GPC5: variants seen among roughly 807,000 people sequenced by gnomAD.
GPC5 encodes the protein glypican 5.
In GPC5, 47 loss-of-function variants were observed where a neutral mutation model predicts 53.9. That is an observed-to-expected ratio of 0.87 (90% CI 0.69 to 1.11). The LOEUF is 1.11. Ranked by LOEUF, GPC5 falls within the 50% of genes most tolerant of loss-of-function variation. The pLI, the probability that GPC5 is intolerant of heterozygous loss-of-function variation, is 0.00. For synonymous variants in GPC5, 286 were observed against 263.3 expected, an observed-to-expected ratio of 1.09 and a Z score of -0.84; for missense variants, 748 against 713.1, an observed-to-expected ratio of 1.05 and a Z score of -0.56.
At chr13:91,896,145 A>G (rs1276541794) in intron 5 of GPC5, among the ~76,000 whole-genome samples, 8 of 138,558 alleles carry the variant, frequency 5.8e-5, no homozygotes, top group Non-Finnish European at 1.1e-4. Context: ...TTTGAGGCAG[A>G]GTCTCGCTCT....
chr13:92,096,786 A>G (rs1293017578), intron 6 of GPC5, among the ~76,000 whole-genome samples: 1 of 152,202 alleles, frequency 6.6e-6, no homozygotes, highest in Non-Finnish European at 1.5e-5. Flanking sequence ...TGTGGTATAC[A>G]GTGGCATTTA....
At chr13:92,143,093 C>T (rs1028560791) in intron 6 of GPC5, among the ~76,000 whole-genome samples, 1 of 151,968 alleles carries the variant, frequency 6.6e-6, no homozygotes, top group South Asian at 2.1e-4. Context: ...ACAATATGAG[C>T]AATGGTCCAG....
chr13:91,645,648 C>T (rs1293398424), intron 2 of GPC5, among the ~76,000 whole-genome samples: 5 of 152,192 alleles, frequency 3.3e-5, no homozygotes, highest in South Asian at 2.1e-4. Flanking sequence ...CCTACTACTA[C>T]GTTATGTATT....
intron 7 of GPC5, among the ~76,000 whole-genome samples, chr13:92,486,428 G>A (rs567106070): frequency 3.3e-5 from 5 of 152,216 alleles, no homozygotes; most frequent in South Asian, 2.1e-4. Flanking sequence ...AAACCACATC[G>A]AACTTGCTTC....
At chr13:92,090,163 GA>G (rs1458383641) in intron 6 of GPC5, among the ~76,000 whole-genome samples, 1 of 152,112 alleles carries the variant, frequency 6.6e-6, no homozygotes, top group Non-Finnish European at 1.5e-5. Flanking sequence ...ACTTTCTGCA[GA>G]AATTCAGTTT....
rs1298324770 is a variant in GPC5 at position 92,385,455 on chromosome 13, TATATAC to T, written c.1561+240468_1561+240473del. Among the ~76,000 whole-genome samples the T allele has an allele frequency of 1.7e-4, 11 of 63,984 alleles. 1 individual carries two copies. The South Asian group carries it at 5.1e-3, about 30-fold the overall frequency. 42.0% of individuals were successfully genotyped at this position (63,984 alleles called of 152,430 possible). On this transcript the variant is annotated intron_variant, in intron 7 of 7. Transcript: ENST00000377067. ...ATATATACATATATACATATATACATATATACACATATATACATATATACATATATA... is the reference window on the plus strand; with the variant it reads ...ATATATACATATATACATATATACATACATATATACATATATACATATATA...
rs1346971253 is a variant in GPC5, at chr13:91,796,101, A to G, written c.1280+39681A>G. The stretch of plus-strand genomic sequence containing the variant: ...TCTCTGACCTGGGGTACTTGGCCTC[A>G]TGGATTCCAAGGAATGGAATCTGGG... On this transcript the variant is annotated intron_variant, in intron 5 of 7. Transcript: ENST00000377067. Among the ~76,000 whole-genome samples the G allele has an allele frequency of 2.6e-5, 4 of 152,134 alleles. No homozygotes were observed. In the East Asian group the frequency reaches 7.8e-4, roughly 30 times the overall value.
intron 7 of GPC5, among the ~76,000 whole-genome samples, chr13:92,494,781 A>G (rs1236015882): frequency 6.6e-6 from 1 of 152,212 alleles, no homozygotes; most frequent in Non-Finnish European, 1.5e-5. Flanking sequence ...GCATTTACCA[A>G]GAAGTCTTGA....
intron 7 of GPC5, among the ~76,000 whole-genome samples, chr13:92,428,985 G>A (rs561787207): frequency 2.6e-5 from 4 of 152,170 alleles, no homozygotes; most frequent in African/African-American, 9.6e-5. Flanking sequence ...ATGATTTAGG[G>A]AGTATTGGCT....
chr13:92,748,306 TTTATTTTA>T (rs1301764446), intron 7 of GPC5, among the ~76,000 whole-genome samples: 11 of 134,554 alleles, frequency 8.2e-5, no homozygotes, highest in Non-Finnish European at 1.6e-4. Flanking sequence ...ACATCTGCAT[TTTATTTTA>T]TTATTATTAT....
intron 7 of GPC5, among the ~76,000 whole-genome samples, chr13:92,370,128 A>G (rs776001235): frequency 7.2e-5 from 11 of 152,252 alleles, no homozygotes; most frequent in Non-Finnish European, 1.2e-4. Context: ...AAAGATGAAT[A>G]GGAAATATCT....
intron 6 of GPC5, among the ~76,000 whole-genome samples, chr13:92,097,590 G>A (rs953501678): frequency 6.6e-6 from 1 of 152,202 alleles, no homozygotes; most frequent in East Asian, 1.9e-4. Flanking sequence ...ATAAGATTAT[G>A]TAAGAAATAT....
chr13:91,504,062 TAACAAAA>T, intron 2 of GPC5, among the ~76,000 whole-genome samples: 1 of 152,054 alleles, frequency 6.6e-6, no homozygotes, highest in Middle Eastern at 3.4e-3. Flanking sequence ...CATCATAGCA[TAACAAAA>T]AACAATTGTT....
At chr13:91,419,269 A>T (rs568644581) in intron 1 of GPC5, among the ~76,000 whole-genome samples, 1 of 152,194 alleles carries the variant, frequency 6.6e-6, no homozygotes, top group Non-Finnish European at 1.5e-5. Context: ...AGATTCATAT[A>T]ATCTGAAAAT....
At chr13:92,255,500 TAA>T (rs1180791141) in intron 7 of GPC5, among the ~76,000 whole-genome samples, 2 of 152,034 alleles carry the variant, frequency 1.3e-5, no homozygotes, top group Non-Finnish European at 2.9e-5. Context: ...ACTTGAAAAA[TAA>T]AAGAGTATTA....
At chr13:91,593,745 T>A (rs1240454897) in intron 2 of GPC5, among the ~76,000 whole-genome samples, 1 of 152,290 alleles carries the variant, frequency 6.6e-6, no homozygotes, top group East Asian at 1.9e-4. Context: ...GTAACATGAT[T>A]TTTTTCAATC....
At chr13:92,355,019 ATAT>A (rs1396679563) in intron 7 of GPC5, among the ~76,000 whole-genome samples, 1 of 151,488 alleles carries the variant, frequency 6.6e-6, no homozygotes, top group Non-Finnish European at 1.5e-5. Context: ...CTTTAATTTA[ATAT>A]TTAATAATCT....
intron 6 of GPC5, among the ~76,000 whole-genome samples, chr13:91,978,938 G>A (rs532215352): frequency 1.3e-5 from 2 of 152,242 alleles, no homozygotes; most frequent in South Asian, 4.1e-4. Context: ...GACAGAACAG[G>A]TTGATAAGAT....
chr13:92,270,212 T>C (rs753252185), intron 7 of GPC5, among the ~76,000 whole-genome samples: 6 of 152,178 alleles, frequency 3.9e-5, no homozygotes, highest in Non-Finnish European at 8.8e-5. Flanking sequence ...ATGTAATGGT[T>C]CTTCCCATTA....
Sources: allele counts gnomAD v4.1 joint callset (sites outside exome capture counted in the v4.1 genomes callset), GRCh38; gene constraint gnomAD v4.1.1; transcripts MANE v1.5; gene names NCBI Gene and HGNC (gene_info 2026-07-23, HGNC 2026-07-21).